OSBPL10: variants seen among roughly 807,000 people sequenced by gnomAD.
The protein encoded by OSBPL10 is oxysterol-binding protein-related protein 10.
Under a neutral mutation model 81.7 loss-of-function variants are expected in OSBPL10, and 49 were observed. That is an observed-to-expected ratio of 0.60 (90% CI 0.48 to 0.76). The LOEUF (loss-of-function observed/expected upper bound fraction) is 0.76, where lower values mean the gene tolerates loss of function less well. Ranked by LOEUF, OSBPL10 falls within the 30% of genes least tolerant of loss-of-function variation. OSBPL10 has a pLI of 0.00. For missense variants in OSBPL10, 923 were observed against 987.8 expected (o/e 0.93, Z 0.88); for synonymous variants, 419 against 383.6 (o/e 1.09, Z -1.08).
chr3:31,958,144 A>G (rs2125457593), intron 1 of OSBPL10, among the ~76,000 whole-genome samples: 1 of 152,328 alleles, frequency 6.6e-6, no homozygotes, highest in South Asian at 2.1e-4. Context: ...TGTGACCACA[A>G]TGTTAACTTA....
chr3:31,689,763 C>CCT (rs1315653838), intron 7 of OSBPL10, among the ~76,000 whole-genome samples: 13 of 152,200 alleles, frequency 8.5e-5, no homozygotes, highest in African/African-American at 3.1e-4. Context: ...ATGACTTGCT[C>CCT]CTCCTTGCCT....
At chr3:31,833,731 ACACACACTCT>A (rs1386255437) in intron 3 of OSBPL10, among the ~76,000 whole-genome samples, 2 of 151,448 alleles carry the variant, frequency 1.3e-5, no homozygotes, top group African/African-American at 4.9e-5. Flanking sequence ...ACACACACAC[ACACACACTCT>A]CTCTCTCTTC....
intron 2 of OSBPL10, among the ~76,000 whole-genome samples, chr3:32,027,721 T>G (rs1559551726): frequency 6.6e-6 from 1 of 152,314 alleles, no homozygotes; most frequent in East Asian, 1.9e-4. Context: ...CTCAAATTCC[T>G]GGGCTCAAGT....
intron 4 of OSBPL10, among the ~76,000 whole-genome samples, chr3:31,808,497 A>G (rs1375785102): frequency 3.9e-5 from 6 of 152,190 alleles, no homozygotes; most frequent in East Asian, 1.9e-4. Flanking sequence ...ATATGAGAAC[A>G]AGCAAATACC....
At chr3:31,696,300 T>C (rs1302265843) in intron 7 of OSBPL10, among the ~76,000 whole-genome samples, 1 of 152,208 alleles carries the variant, frequency 6.6e-6, no homozygotes, top group Non-Finnish European at 1.5e-5. Flanking sequence ...TGTCTCCTAA[T>C]CCCATCAGCA....
At chr3:31,817,133 C>T (rs928468120) in intron 4 of OSBPL10, among the ~76,000 whole-genome samples, 3 of 152,190 alleles carry the variant, frequency 2.0e-5, no homozygotes, top group Non-Finnish European at 4.4e-5. Context: ...CATGGGCAGC[C>T]ATGGGCGGGC....
chr3:32,023,114 C>A (rs1356746373), intron 2 of OSBPL10, among the ~76,000 whole-genome samples: 1 of 152,126 alleles, frequency 6.6e-6, no homozygotes, highest in Non-Finnish European at 1.5e-5. Context: ...TCTTGCTTAT[C>A]AAGTTGTTCA....
chr3:31,886,010 A>G (rs1227342678), intron 1 of OSBPL10, among the ~76,000 whole-genome samples: 12 of 146,076 alleles, frequency 8.2e-5, no homozygotes, highest in Admixed American at 8.2e-4. Flanking sequence ...AAAAAAAAAA[A>G]AAAAGAAAGA....
intron 1 of OSBPL10, among the ~76,000 whole-genome samples, chr3:31,889,751 A>G (rs1364067780): frequency 6.6e-6 from 1 of 152,160 alleles, no homozygotes; most frequent in East Asian, 1.9e-4. Flanking sequence ...GCACAATACA[A>G]TGATGCTAAT....
chr3:32,066,019 A>G lies in OSBPL10; in HGVS notation n.185+11377T>C, dbSNP rs1388624506. On this transcript the variant is annotated intron_variant and non_coding_transcript_variant, in intron 1 of 3. Transcript: ENST00000479173. ...AGAAAGAAAGAAAGAGAAAGAAAGA[A>G]AGAAAGAGAGAGAGAGAGAAAGAGA... Among the ~76,000 whole-genome samples, 6 of 80,156 alleles carry G rather than the reference A, an allele frequency of 7.5e-5. 2 individuals carry two copies. The East Asian group carries it at 1.3e-3, about 18-fold the overall frequency. The allele number at this position is 80,156 out of a possible 152,430, so 52.6% of individuals were successfully genotyped here.
chr3:31,799,313 G>T (rs529311330), intron 4 of OSBPL10, among the ~76,000 whole-genome samples: 1 of 144,726 alleles, frequency 6.9e-6, no homozygotes, highest in Admixed American at 7.3e-5. Flanking sequence ...AAGCCAGGGC[G>T]AGAGGATCAC....
chr3:31,698,522 G>A (rs1390393690), intron 7 of OSBPL10, among the ~76,000 whole-genome samples: 1 of 151,946 alleles, frequency 6.6e-6, no homozygotes, highest in African/African-American at 2.4e-5. Context: ...ACCCTCCAAT[G>A]GCCACCATAT....
intron 5 of OSBPL10, among the ~76,000 whole-genome samples, chr3:31,746,660 A>C (rs1441688209): frequency 2.0e-5 from 3 of 147,594 alleles, no homozygotes; most frequent in African/African-American, 5.1e-5. Context: ...CCTGGGCAAC[A>C]AGAGCAAAAA....
At chr3:32,070,699 T>A (rs1311031374) in intron 1 of OSBPL10, among the ~76,000 whole-genome samples, 1 of 152,246 alleles carries the variant, frequency 6.6e-6, no homozygotes, top group Non-Finnish European at 1.5e-5. Flanking sequence ...TAGACAAGTC[T>A]TACAGGTTAG....
rs893372988 is a variant in OSBPL10 at position 31,670,686 on chromosome 3, T to A, written c.1913+111A>T. The A allele has an allele frequency of 4.8e-6, 6 of 1,259,762 alleles. No homozygotes were observed. The Admixed American group carries it at 1.4e-4, about 29-fold the overall frequency. The allele number at this position is 1,259,762 out of a possible 1,614,324, so 78.0% of individuals were successfully genotyped here. A position where few individuals can be genotyped will look rare whatever the true frequency, so the allele number is the denominator to read the frequency against. ...TCTTTTGGAAAAGACCTTAACAAGT[T>A]TATCTTGATTTTCAACTCATCCCAT... On this transcript the variant is annotated intron_variant, in intron 9 of 11. Transcript: ENST00000396556.
intron 4 of OSBPL10, among the ~76,000 whole-genome samples, chr3:31,770,927 A>G (rs1483730342): frequency 6.6e-6 from 1 of 152,188 alleles, no homozygotes; most frequent in Admixed American, 6.5e-5. Context: ...CATTCTAGGA[A>G]GTGGCACAGT....
intron 3 of OSBPL10, among the ~76,000 whole-genome samples, chr3:31,830,938 G>C (rs575011698): frequency 1.3e-5 from 2 of 152,256 alleles, no homozygotes; most frequent in African/African-American, 4.8e-5. Context: ...TCTCAACTTA[G>C]TGGAGATGAA....
At chr3:31,765,241 T>C (rs2125731711) in intron 4 of OSBPL10, among the ~76,000 whole-genome samples, 1 of 152,082 alleles carries the variant, frequency 6.6e-6, no homozygotes, top group Admixed American at 6.6e-5. Flanking sequence ...TTTCACCACG[T>C]TATCCAGGCT....
At chr3:31,940,776 C>T (rs1697512835) in intron 1 of OSBPL10, among the ~76,000 whole-genome samples, 1 of 152,066 alleles carries the variant, frequency 6.6e-6, no homozygotes, top group Non-Finnish European at 1.5e-5. Flanking sequence ...GATGTTACTA[C>T]TGCCAGGAAG....
Sources: allele counts gnomAD v4.1 joint callset (sites outside exome capture counted in the v4.1 genomes callset), GRCh38; gene constraint gnomAD v4.1.1; transcripts MANE v1.5; gene names NCBI Gene and HGNC (gene_info 2026-07-23, HGNC 2026-07-21).